CAMK1D: variants seen among roughly 807,000 people sequenced by gnomAD.
CAMK1D encodes the protein calcium/calmodulin-dependent protein kinase type 1D.
CAMK1D carries 9 observed loss-of-function variants against 47.7 expected under a neutral mutation model. The ratio of observed to expected loss-of-function variants is 0.19; its 90% CI spans 0.11 to 0.33. The LOEUF (loss-of-function observed/expected upper bound fraction) is 0.33, where lower values mean the gene tolerates loss of function less well. Ranked by LOEUF, CAMK1D falls within the 10% of genes least tolerant of loss-of-function variation. The pLI is 1.00. For missense variants in CAMK1D, 291 were observed against 488.7 expected (o/e 0.60, Z 3.81); for synonymous variants, 184 against 184.9 (o/e 0.99, Z 0.04).
intron 1 of CAMK1D, among the ~76,000 whole-genome samples, chr10:12,527,636 G>A (rs1387324133): frequency 2.6e-5 from 4 of 152,088 alleles, no homozygotes; most frequent in African/African-American, 9.7e-5. Context: ...TCGGCTTCCC[G>A]AATTGCTGGG....
intron 1 of CAMK1D, among the ~76,000 whole-genome samples, chr10:12,535,813 C>T (rs183357919): frequency 6.6e-6 from 1 of 152,306 alleles, no homozygotes. Context: ...TGTTTACCCA[C>T]CACACTAAGA....
At chr10:12,409,455 C>T (rs1839577025) in intron 1 of CAMK1D, among the ~76,000 whole-genome samples, 1 of 152,200 alleles carries the variant, frequency 6.6e-6, no homozygotes, top group Non-Finnish European at 1.5e-5. Flanking sequence ...GAAATCTCTC[C>T]TTTTTCTTTT....
chr10:12,659,839 T>C (rs143478749), intron 2 of CAMK1D, among the ~76,000 whole-genome samples: 14 of 152,316 alleles, frequency 9.2e-5, no homozygotes, highest in African/African-American at 2.4e-4. Context: ...CCTGGTCCTC[T>C]ATGGCCTTTG....
At chr10:12,420,934 C>T (rs143642046) in intron 1 of CAMK1D, among the ~76,000 whole-genome samples, 109 of 152,216 alleles carry the variant, frequency 7.2e-4, no homozygotes, top group Middle Eastern at 3.4e-3. Flanking sequence ...TCTGTGAGCT[C>T]GCCTCTTCCT....
chr10:12,814,338 C>A, intron 7 of CAMK1D, 31 bp downstream of exon 7: 2 of 1,415,218 alleles, frequency 1.4e-6, no homozygotes, highest in Non-Finnish European at 2.0e-6. Context: ...TCCCAGTGGG[C>A]GGCCCCCGCG....
intron 1 of CAMK1D, among the ~76,000 whole-genome samples, chr10:12,515,106 A>ACCC (rs111854117): frequency 6.7e-6 from 1 of 150,256 alleles, no homozygotes; most frequent in African/African-American, 2.5e-5. Context: ...CAGGTGATCC[A>ACCC]CCCCCCTTGG....
intron 1 of CAMK1D, among the ~76,000 whole-genome samples, chr10:12,414,126 C>G (rs985055372): frequency 1.3e-5 from 2 of 152,154 alleles, no homozygotes; most frequent in Non-Finnish European, 2.9e-5. Flanking sequence ...ATCTGAAAAC[C>G]ATAATATAAT....
chr10:12,428,103 T>C (rs1840314045), intron 1 of CAMK1D, among the ~76,000 whole-genome samples: 1 of 152,138 alleles, frequency 6.6e-6, no homozygotes, highest in South Asian at 2.1e-4. Flanking sequence ...CATGCCATGG[T>C]GGTTTGCTGC....
chr10:12,543,846 A>G (rs1836278219), intron 1 of CAMK1D, among the ~76,000 whole-genome samples: 1 of 152,176 alleles, frequency 6.6e-6, no homozygotes, highest in Non-Finnish European at 1.5e-5. Flanking sequence ...ATTTAACAGC[A>G]TGGAGAGCCA....
intron 1 of CAMK1D, among the ~76,000 whole-genome samples, chr10:12,436,219 C>T (rs1243582143): frequency 6.6e-6 from 1 of 152,176 alleles, no homozygotes; most frequent in Non-Finnish European, 1.5e-5. Flanking sequence ...GTACAGGCTT[C>T]ACATGTGTGC....
chr10:12,582,985 C>T (rs1322348750), intron 2 of CAMK1D, among the ~76,000 whole-genome samples: 2 of 152,164 alleles, frequency 1.3e-5, no homozygotes, highest in East Asian at 1.9e-4. Flanking sequence ...CGCCTGTAAT[C>T]CCAGCACTTT....
At chr10:12,480,884 AGT>A (rs1834044220) in intron 1 of CAMK1D, among the ~76,000 whole-genome samples, 1 of 152,226 alleles carries the variant, frequency 6.6e-6, no homozygotes, top group Non-Finnish European at 1.5e-5. Flanking sequence ...AAATTGTAAC[AGT>A]GAGAAAAAAT....
intron 2 of CAMK1D, among the ~76,000 whole-genome samples, chr10:12,561,438 A>T (rs953862288): frequency 2.0e-5 from 3 of 152,016 alleles, no homozygotes; most frequent in African/African-American, 7.3e-5. Context: ...AAGAGTTGAC[A>T]TTGACAGGTC....
intron 1 of CAMK1D, among the ~76,000 whole-genome samples, chr10:12,351,805 C>A (rs892012562): frequency 3.9e-5 from 6 of 152,188 alleles, no homozygotes; most frequent in African/African-American, 1.4e-4. Context: ...GCCATGTTCC[C>A]TGTGAGCTTT....
At chr10:12,669,016 A>C (rs1042432717) in intron 3 of CAMK1D, among the ~76,000 whole-genome samples, 1 of 152,132 alleles carries the variant, frequency 6.6e-6, no homozygotes, top group African/African-American at 2.4e-5. Context: ...CAGATCATTT[A>C]AAGTCAGGAG....
intron 6 of CAMK1D, among the ~76,000 whole-genome samples, chr10:12,813,826 T>C (rs7084155): frequency 0.21 from 31,161 of 151,888 alleles, 7,285 homozygotes; most frequent in African/African-American, 0.55. Flanking sequence ...AGTGATGCGA[T>C]CTTGGCTCAC....
intron 3 of CAMK1D, among the ~76,000 whole-genome samples, chr10:12,707,574 C>G (rs751215850): frequency 9.2e-5 from 14 of 152,150 alleles, no homozygotes; most frequent in Admixed American, 9.2e-4. Flanking sequence ...ATAGAGCAGA[C>G]GCAGAATGAG....
intron 2 of CAMK1D, among the ~76,000 whole-genome samples, chr10:12,572,668 G>A (rs1837363465): frequency 6.6e-6 from 1 of 152,006 alleles, no homozygotes; most frequent in Admixed American, 6.6e-5. Flanking sequence ...ATCTTGCTCT[G>A]TCGCCCAGGC....
At chr10:12,615,137 G>T (rs552676411) in intron 2 of CAMK1D, among the ~76,000 whole-genome samples, 1 of 152,334 alleles carries the variant, frequency 6.6e-6, no homozygotes, top group Non-Finnish European at 1.5e-5. Context: ...GAGTCTCTGG[G>T]ACCGGAGGAT....
Sources: allele counts gnomAD v4.1 joint callset (sites outside exome capture counted in the v4.1 genomes callset), GRCh38; gene constraint gnomAD v4.1.1; transcripts MANE v1.5; gene names NCBI Gene and HGNC (gene_info 2026-07-23, HGNC 2026-07-21).